ESRRG: variants seen among roughly 807,000 people sequenced by gnomAD.
ESRRG encodes the protein estrogen-related receptor gamma.
Under a neutral mutation model 44.0 loss-of-function variants are expected in ESRRG, and 13 were observed. The ratio of observed to expected loss-of-function variants is 0.30; its 90% CI spans 0.19 to 0.47. The LOEUF is 0.47. Among genes scored for constraint, ESRRG ranks in the 20% least tolerant of loss-of-function variants. The pLI, the probability that ESRRG is intolerant of heterozygous loss-of-function variation, is 1.00. For missense variants in ESRRG, 395 were observed against 580.6 expected (o/e 0.68, Z 3.29); for synonymous variants, 215 against 214.6 (o/e 1.00, Z -0.02).
At chr1:216,981,570 C>T (rs540542216) in intron 1 of ESRRG, among the ~76,000 whole-genome samples, 11 of 152,160 alleles carry the variant, frequency 7.2e-5, no homozygotes, top group African/African-American at 2.4e-4. Flanking sequence ...TTTAATACTG[C>T]TCATCTATAC....
intron 2 of ESRRG, among the ~76,000 whole-genome samples, chr1:216,880,826 A>G (rs529128127): frequency 2.0e-5 from 3 of 152,308 alleles, no homozygotes; most frequent in African/African-American, 2.4e-5. Flanking sequence ...ATTTATATTA[A>G]AAGTTTTCAA....
At chr1:216,828,111 C>T (rs2095427954) in intron 2 of ESRRG, among the ~76,000 whole-genome samples, 2 of 152,148 alleles carry the variant, frequency 1.3e-5, no homozygotes, top group South Asian at 2.1e-4. Flanking sequence ...ACATTTCTCT[C>T]AAGCTCAAGA....
chr1:216,991,441 T>C (rs1316969508), intron 1 of ESRRG, among the ~76,000 whole-genome samples: 2 of 152,142 alleles, frequency 1.3e-5, no homozygotes, highest in Non-Finnish European at 2.9e-5. Flanking sequence ...ATATATTCAT[T>C]GGGAGCCTAC....
At chr1:217,077,388 G>T (rs1479521550) in intron 1 of ESRRG, among the ~76,000 whole-genome samples, 1 of 152,172 alleles carries the variant, frequency 6.6e-6, no homozygotes, top group Non-Finnish European at 1.5e-5. Flanking sequence ...GACAAGCCGA[G>T]ATTTGACTTA....
chr1:216,800,497 A>G (rs2148286173), intron 2 of ESRRG, among the ~76,000 whole-genome samples: 1 of 152,334 alleles, frequency 6.6e-6, no homozygotes, highest in South Asian at 2.1e-4. Context: ...ACAGGGATAT[A>G]TATAGGGGGT....
At chr1:217,015,145 C>T (rs1329905784) in intron 1 of ESRRG, among the ~76,000 whole-genome samples, 1 of 152,188 alleles carries the variant, frequency 6.6e-6, no homozygotes, top group East Asian at 1.9e-4. Flanking sequence ...TCCACATACC[C>T]ACACAGTGCA....
upstream of ESRRG, chr1:217,089,697 G>A (rs2092297510): frequency 1.3e-5 from 2 of 152,220 alleles, no homozygotes; most frequent in East Asian, 1.9e-4. Context: ...CGGCCCTCCG[G>A]TGGCAAGGGC....
At chr1:216,647,663 G>T (rs530031841) in intron 3 of ESRRG, among the ~76,000 whole-genome samples, 1 of 152,034 alleles carries the variant, frequency 6.6e-6, no homozygotes, top group East Asian at 1.9e-4. Context: ...TCCCACCAAC[G>T]CTCAGATATC....
At chr1:216,608,502 A>G (rs112716005) in intron 3 of ESRRG, among the ~76,000 whole-genome samples, 7 of 152,324 alleles carry the variant, frequency 4.6e-5, no homozygotes, top group South Asian at 2.1e-4. Context: ...TGATTCACCA[A>G]ATCATAACCT....
At chr1:216,978,096 G>T (rs916979921) in intron 1 of ESRRG, among the ~76,000 whole-genome samples, 6 of 152,068 alleles carry the variant, frequency 3.9e-5, no homozygotes, top group African/African-American at 1.4e-4. Flanking sequence ...TATAGCAGAA[G>T]GAAACAAACT....
At chr1:216,863,201 C>G (rs2096082704) in intron 2 of ESRRG, 1 of 152,050 alleles carries the variant, frequency 6.6e-6, no homozygotes, top group Admixed American at 6.6e-5. Flanking sequence ...TTCTAACAGG[C>G]TCTCTGTGAA....
chr1:217,016,308 C>T (rs2150858570), intron 1 of ESRRG, among the ~76,000 whole-genome samples: 1 of 151,928 alleles, frequency 6.6e-6, no homozygotes, highest in East Asian at 1.9e-4. Flanking sequence ...TATAATGGAA[C>T]AGTTACTAAA....
At position 216,506,701 on chromosome 1, in the gene ESRRG, A is replaced by G. The variant is rs534696933; in HGVS notation, c.*238T>C. On this transcript the variant is annotated 3_prime_UTR_variant, in exon 7 of 7. Coordinates refer to ENST00000408911, the MANE Select transcript of ESRRG (RefSeq NM_001438.4). ...GTGAAAGAAGAAAAGGAGAAAAAAT[A>G]AAGAGAAAGAGAAATGTGGGAAGAA... 1.6e-6 allele frequency: 1 copy of G among 607,574 alleles called. No homozygotes were observed. Among genetic ancestry groups the G allele is most frequent in the East Asian group, 3.3e-5 (1 of 30,760 alleles). The allele number at this position is 607,574 out of a possible 1,614,324, so 37.6% of individuals were successfully genotyped here.
In ESRRG at chr1:216,846,287, G is replaced by T. The variant is rs75367228; in HGVS notation, c.-14+93295C>A. ...ACAGGAGAGCGTATTTCACTATAGG[G>T]ATTTATTGCCATTTAGTTAACAATG... is the stretch of plus-strand genomic sequence containing the variant. On this transcript the variant is annotated intron_variant, in intron 2 of 7. Transcript: ENST00000359162. Among the ~76,000 whole-genome samples, 290 of 152,146 alleles carry T rather than the reference G, an allele frequency of 1.9e-3. 1 individual carries two copies. Among genetic ancestry groups the T allele is most frequent in the African/African-American group, 6.7e-3 (280 of 41,508 alleles).
intron 1 of ESRRG, among the ~76,000 whole-genome samples, chr1:217,121,362 A>C (rs896799252): frequency 6.6e-6 from 1 of 152,162 alleles, no homozygotes; most frequent in Non-Finnish European, 1.5e-5. Flanking sequence ...ATGGGAAATC[A>C]CTGAAGGGTT....
At chr1:216,519,814 T>TAAAAAAAAAAAAAAAAAAAAAAA (rs147923058) in intron 5 of ESRRG, among the ~76,000 whole-genome samples, 1 of 118,992 alleles carries the variant, frequency 8.4e-6, no homozygotes, top group African/African-American at 3.0e-5. Flanking sequence ...AACATAAAAG[T>TAAAAAAAAAAAAAAAAAAAAAAA]AAAAAAAAAA....
rs2091964653 is a variant in ESRRG at position 217,084,567 on chromosome 1, T to G, written c.-106+4940A>C. On this transcript the variant is annotated intron_variant, in intron 1 of 7. Coordinates refer to the ESRRG transcript ENST00000359162. ...TATCAGAATAGGAATGCAAAAGTTTTGCTATACTTCACATAATGTTGGCAA... is the reference window on the plus strand; with the variant it reads ...TATCAGAATAGGAATGCAAAAGTTTGGCTATACTTCACATAATGTTGGCAA... Among the ~76,000 whole-genome samples the G allele has an allele frequency of 2.6e-5, 4 of 152,222 alleles. No homozygotes were observed. In the South Asian group the frequency reaches 8.3e-4, roughly 32 times the overall value.
chr1:216,517,910 A>T (rs1453057073), intron 6 of ESRRG, among the ~76,000 whole-genome samples: 1 of 152,214 alleles, frequency 6.6e-6, no homozygotes, highest in Non-Finnish European at 1.5e-5. Context: ...CATTATGAAG[A>T]CAAATAGGAA....
At chr1:216,803,656 C>G (rs1254762458) in intron 2 of ESRRG, among the ~76,000 whole-genome samples, 1 of 152,060 alleles carries the variant, frequency 6.6e-6, no homozygotes, top group Non-Finnish European at 1.5e-5. Context: ...CTCTGTCGAG[C>G]CTCTGCCTTT....
Sources: allele counts gnomAD v4.1 joint callset (sites outside exome capture counted in the v4.1 genomes callset), GRCh38; gene constraint gnomAD v4.1.1; transcripts MANE v1.5; gene names NCBI Gene and HGNC (gene_info 2026-07-23, HGNC 2026-07-21).